VSTM5: variants seen among roughly 807,000 people sequenced by gnomAD.
VSTM5 encodes the protein V-set and transmembrane domain containing 5, also known as V-set and transmembrane domain-containing protein 5.
In VSTM5, 21 loss-of-function variants were observed where a neutral mutation model predicts 20.3. The observed-to-expected ratio is 1.03, with a 90% CI of 0.73 to 1.49. The LOEUF is 1.49. Among genes scored for constraint, VSTM5 ranks in the 40% most tolerant of loss-of-function variants. VSTM5 has a pLI of 0.00. For missense variants in VSTM5, 219 were observed against 250.0 expected (o/e 0.88, Z 0.84); for synonymous variants, 100 against 102.5 (o/e 0.98, Z 0.14).
chr11:93,832,218 CAA>C (rs552444825), intron 1 of VSTM5, among the ~76,000 whole-genome samples: 95 of 152,170 alleles, frequency 6.2e-4, no homozygotes, highest in Non-Finnish European at 1.0e-3. Context: ...TGGGATATTA[CAA>C]AAATGTTCAA....
At chr11:93,825,160 A>G (rs576980548) in intron 1 of VSTM5, among the ~76,000 whole-genome samples, 3 of 152,196 alleles carry the variant, frequency 2.0e-5, no homozygotes, top group African/African-American at 4.8e-5. Flanking sequence ...TTGTGCTTCT[A>G]TATGAATTTG....
In VSTM5 at chr11:93,830,384, C is replaced by G. The variant is rs1944272045; in HGVS notation, c.92-9061G>C. ...TGGTGCCCTGCATCCCCTGGCCACC[C>G]TGTGCCAGCCTCTGAGAGAAGGGGT... On this transcript the variant is annotated intron_variant, in intron 1 of 3. Coordinates refer to ENST00000409977, the MANE Select transcript of VSTM5 (RefSeq NM_001144871.2). Among the ~76,000 whole-genome samples, 5 of 152,350 alleles carry G rather than the reference C, an allele frequency of 3.3e-5. No individual in the cohort carries two copies. In the South Asian group the frequency reaches 1.0e-3, roughly 32 times the overall value.
intron 1 of VSTM5, among the ~76,000 whole-genome samples, chr11:93,848,878 G>A (rs1342064178): frequency 6.6e-6 from 1 of 152,160 alleles, no homozygotes; most frequent in Non-Finnish European, 1.5e-5. Flanking sequence ...TAAGTATGGT[G>A]ATTAGAAACA....
intron 1 of VSTM5, among the ~76,000 whole-genome samples, chr11:93,830,069 A>G (rs962434571): frequency 9.2e-5 from 14 of 152,188 alleles, no homozygotes; most frequent in African/African-American, 3.4e-4. Context: ...GGAGGGATCC[A>G]AGACTCCTCA....
intron 1 of VSTM5, among the ~76,000 whole-genome samples, chr11:93,823,696 A>G (rs1229985930): frequency 6.6e-6 from 1 of 152,178 alleles, no homozygotes; most frequent in Non-Finnish European, 1.5e-5. Flanking sequence ...AGGTTAATCC[A>G]TGTTGTCACA....
At chr11:93,847,017 G>A (rs910348761) in intron 1 of VSTM5, among the ~76,000 whole-genome samples, 2 of 151,980 alleles carry the variant, frequency 1.3e-5, no homozygotes, top group African/African-American at 2.4e-5. Flanking sequence ...CGCCCGGCTC[G>A]GCCTCCCAAA....
intron 1 of VSTM5, among the ~76,000 whole-genome samples, chr11:93,829,892 C>T (rs1424651918): frequency 6.6e-6 from 1 of 152,158 alleles, no homozygotes; most frequent in Non-Finnish European, 1.5e-5. Flanking sequence ...AGATTCAAAA[C>T]CGAGTACTTT....
intron 1 of VSTM5, among the ~76,000 whole-genome samples, chr11:93,843,353 C>T (rs773749914): frequency 5.9e-5 from 9 of 152,056 alleles, no homozygotes; most frequent in East Asian, 1.9e-4. Flanking sequence ...TCATCCTCCT[C>T]GATCTGCCGT....
chr11:93,823,554 C>T (rs1944207399), intron 1 of VSTM5, among the ~76,000 whole-genome samples: 5 of 152,192 alleles, frequency 3.3e-5, no homozygotes, highest in African/African-American at 9.7e-5. Flanking sequence ...TGGCCCCAGC[C>T]TCTGGCAACA....
At chr11:93,826,086 A>T (rs936726042) in intron 1 of VSTM5, among the ~76,000 whole-genome samples, 1 of 152,046 alleles carries the variant, frequency 6.6e-6, no homozygotes, top group Non-Finnish European at 1.5e-5. Flanking sequence ...ACAGAAAGCA[A>T]AAAACTAGCC....
chr11:93,820,357 C>T lies in VSTM5; in HGVS notation c.*212G>A, dbSNP rs570378021. The T allele has an allele frequency of 1.7e-6, 1 of 577,582 alleles. No homozygotes were observed. The highest frequency in any genetic ancestry group is 3.1e-6 in the Non-Finnish European group (1 of 325,996). 35.8% of individuals were successfully genotyped at this position (577,582 alleles called of 1,614,324 possible). A position where few individuals can be genotyped will look rare whatever the true frequency, so the allele number is the denominator to read the frequency against. On this transcript the variant is annotated 3_prime_UTR_variant, in exon 4 of 4. Coordinates refer to ENST00000409977, the MANE Select transcript of VSTM5 (RefSeq NM_001144871.2). Reference sequence around the variant, plus strand: ...AGCTCCTGGTTCAAAGCCTCAATCACTCTTCTCCTTGAACTTAGCGCGAGT... The same window carrying T: ...AGCTCCTGGTTCAAAGCCTCAATCATTCTTCTCCTTGAACTTAGCGCGAGT...
intron 1 of VSTM5, among the ~76,000 whole-genome samples, chr11:93,823,337 A>AT (rs903052778): frequency 3.9e-5 from 6 of 152,090 alleles, no homozygotes; most frequent in Admixed American, 1.3e-4. Context: ...TTCTTTAAAA[A>AT]TTTTTTTTAA....
intron 1 of VSTM5, among the ~76,000 whole-genome samples, chr11:93,830,960 G>A (rs1222281056): frequency 1.3e-5 from 2 of 151,998 alleles, no homozygotes; most frequent in African/African-American, 4.8e-5. Flanking sequence ...GTTTTGCCAT[G>A]TTGCCCAAGC....
chr11:93,849,293 G>C (rs1944438712), intron 1 of VSTM5, among the ~76,000 whole-genome samples: 1 of 152,060 alleles, frequency 6.6e-6, no homozygotes, highest in Admixed American at 6.5e-5. Flanking sequence ...CAGTAGCTGG[G>C]CCTACAGGCA....
In VSTM5 at chr11:93,821,154, G is replaced by A; in HGVS notation, c.261C>T (p.Ala87=). ...KIVEWKPGTQ[A]NISQSHKDRV... is the part of the protein sequence containing the mutation. ...TGTCCTTGTGGCTTTGAGAGATGTT[G>A]GCCTGAGTCCCTGGTTTCCACTCCA... The change falls in exon 2 of 4, where the codon GCC becomes GCT. Residue 87 remains alanine (A), a synonymous_variant. Coordinates refer to ENST00000409977, the MANE Select transcript of VSTM5 (RefSeq NM_001144871.2). The A allele has an allele frequency of 6.4e-7, 1 of 1,552,180 alleles. No individual in the cohort carries two copies. Among genetic ancestry groups the A allele is most frequent in the Non-Finnish European group, 8.7e-7 (1 of 1,147,090 alleles).
intron 1 of VSTM5, 119 bp from the exon 2 acceptor site, chr11:93,821,442 C>G: frequency 1.0e-6 from 1 of 987,986 alleles, no homozygotes; most frequent in Non-Finnish European, 1.5e-6. Context: ...ATGCCAGGAA[C>G]TGTTCTAGGT....
chr11:93,820,543 A>G lies in VSTM5; in HGVS notation c.*26T>C, dbSNP rs1268110939. 9.7e-6 allele frequency: 15 copies of G among 1,551,480 alleles called. No homozygotes were observed. In the East Asian group the frequency reaches 2.0e-4, roughly 20 times the overall value. On this transcript the variant is annotated 3_prime_UTR_variant, in exon 4 of 4. Transcript: ENST00000409977. Reference sequence around the variant, plus strand: ...TTGGAGAATGGTTTCCTCTTGAGGTAGGAATGCAGTCAGGCCCAGCCTTGG... The same window carrying G: ...TTGGAGAATGGTTTCCTCTTGAGGTGGGAATGCAGTCAGGCCCAGCCTTGG...
At chr11:93,850,087 C>A (rs1944445884) in intron 1 of VSTM5, among the ~76,000 whole-genome samples, 1 of 152,090 alleles carries the variant, frequency 6.6e-6, no homozygotes. Context: ...GGCTGGGAGC[C>A]GGTTATCTCT....
At chr11:93,822,481 G>C (rs1342590758) in intron 1 of VSTM5, among the ~76,000 whole-genome samples, 1 of 147,072 alleles carries the variant, frequency 6.8e-6, no homozygotes, top group African/African-American at 2.5e-5. Context: ...TCTCTACTTT[G>C]TTTTCTGTTT....
Sources: gnomAD v4.1 joint callset for allele counts (sites outside exome capture counted in the v4.1 genomes callset) on GRCh38, gnomAD v4.1.1 for gene constraint, MANE v1.5 for transcripts, NCBI Gene and HGNC (gene_info 2026-07-23, HGNC 2026-07-21) for gene names.